SLC44A5: variants seen among roughly 807,000 people sequenced by gnomAD.
SLC44A5 encodes solute carrier family 44 member 5, also known as choline transporter-like protein 5.
SLC44A5 carries 57 observed loss-of-function variants against 101.8 expected under a neutral mutation model. The observed-to-expected ratio is 0.56, with a 90% CI of 0.45 to 0.70. The LOEUF is 0.70. SLC44A5 is among the 30% of genes least tolerant of loss of function. The probability of loss-of-function intolerance (pLI) is 0.00; values close to 1 mark genes in which losing one functional copy is unlikely to be tolerated. For synonymous variants in SLC44A5, 281 were observed against 290.9 expected, an observed-to-expected ratio of 0.97 and a Z score of 0.35; for missense variants, 737 against 853.1, an observed-to-expected ratio of 0.86 and a Z score of 1.70.
At chr1:75,672,037 C>T in the SLC44A5 span, among the ~76,000 whole-genome samples, 1 of 146,790 alleles carries the variant, frequency 6.8e-6, no homozygotes, top group Non-Finnish European at 1.5e-5. Flanking sequence ...CAACACCAAA[C>T]TGACCAACTA....
the SLC44A5 span, among the ~76,000 whole-genome samples, chr1:75,671,941 A>T: frequency 1.3e-5 from 2 of 152,200 alleles, no homozygotes; most frequent in Admixed American, 1.3e-4. Flanking sequence ...ACTAACCATA[A>T]CCTTACATCA....
chr1:75,595,111 G>A (rs1674561217), intron 1 of SLC44A5, among the ~76,000 whole-genome samples: 1 of 151,958 alleles, frequency 6.6e-6, no homozygotes, highest in African/African-American at 2.4e-5. Flanking sequence ...AGGGAGGTAG[G>A]GAGGTAGAAA....
At chr1:75,493,835 C>T (rs1360647404) in intron 2 of SLC44A5, among the ~76,000 whole-genome samples, 2 of 152,114 alleles carry the variant, frequency 1.3e-5, no homozygotes, top group East Asian at 3.9e-4. Context: ...TGAGAAAAAT[C>T]CAGAAGCTTG....
intron 2 of SLC44A5, among the ~76,000 whole-genome samples, chr1:75,426,658 G>T (rs528392826): frequency 2.0e-5 from 3 of 152,352 alleles, no homozygotes; most frequent in Admixed American, 2.0e-4. Context: ...GAAGAAGTAA[G>T]AGTCTACCTC....
At chr1:75,332,928 T>C (rs1422585941) in intron 4 of SLC44A5, among the ~76,000 whole-genome samples, 1 of 152,212 alleles carries the variant, frequency 6.6e-6, no homozygotes, top group East Asian at 1.9e-4. Flanking sequence ...GTCTTCTAAA[T>C]GTATGCCGTT....
chr1:75,338,844 G>A (rs61798679), intron 4 of SLC44A5, among the ~76,000 whole-genome samples: 160 of 152,148 alleles, frequency 1.1e-3, no homozygotes, highest in Non-Finnish European at 2.1e-3. Context: ...TTCACATCAC[G>A]GTTCATTATG....
At chr1:75,578,535 T>G (rs762135790) in intron 1 of SLC44A5, among the ~76,000 whole-genome samples, 3 of 152,098 alleles carry the variant, frequency 2.0e-5, no homozygotes, top group Admixed American at 1.3e-4. Context: ...AAGCCCAGCA[T>G]AGAAAAACAA....
At chr1:75,706,819 T>G in the SLC44A5 span, among the ~76,000 whole-genome samples, 2 of 152,134 alleles carry the variant, frequency 1.3e-5, no homozygotes, top group African/African-American at 4.8e-5. Context: ...CCTGTTTCTT[T>G]TGCTTCCAAA....
intron 4 of SLC44A5, among the ~76,000 whole-genome samples, chr1:75,332,093 G>A (rs1657102369): frequency 6.6e-6 from 1 of 152,132 alleles, no homozygotes; most frequent in African/African-American, 2.4e-5. Context: ...GTGCCTAGAA[G>A]ACATGGGGCA....
the SLC44A5 span, among the ~76,000 whole-genome samples, chr1:75,665,666 T>C: frequency 3.9e-5 from 6 of 152,126 alleles, no homozygotes; most frequent in Non-Finnish European, 7.4e-5. Context: ...GGAAAACCTA[T>C]AGAATGGGAT....
chr1:75,318,325 G>A (rs898542540), intron 4 of SLC44A5, among the ~76,000 whole-genome samples: 1 of 151,430 alleles, frequency 6.6e-6, no homozygotes, highest in Non-Finnish European at 1.5e-5. Flanking sequence ...TACAGTGAGT[G>A]ATGATTGTGC....
chr1:75,265,338 G>C (rs1326176478), intron 6 of SLC44A5, among the ~76,000 whole-genome samples: 1 of 152,138 alleles, frequency 6.6e-6, no homozygotes, highest in African/African-American at 2.4e-5. Flanking sequence ...CAATATCCCT[G>C]ATAAACATAG....
intron 2 of SLC44A5, among the ~76,000 whole-genome samples, chr1:75,480,025 C>A (rs1667731802): frequency 6.6e-6 from 1 of 152,232 alleles, no homozygotes; most frequent in Non-Finnish European, 1.5e-5. Context: ...CAAACCGAAT[C>A]TGGCAGCACA....
intron 4 of SLC44A5, among the ~76,000 whole-genome samples, chr1:75,338,559 C>T (rs1168111167): frequency 2.6e-5 from 4 of 152,150 alleles, no homozygotes; most frequent in African/African-American, 9.7e-5. Context: ...GTAGCCACTA[C>T]ACTGAATGAG....
At chr1:75,399,492 T>G (rs2101422882) in intron 2 of SLC44A5, among the ~76,000 whole-genome samples, 1 of 152,282 alleles carries the variant, frequency 6.6e-6, no homozygotes, top group East Asian at 1.9e-4. Flanking sequence ...CAGAAGAGAC[T>G]TCAGGGACAT....
intron 1 of SLC44A5, among the ~76,000 whole-genome samples, chr1:75,607,015 T>C (rs1292250495): frequency 6.6e-6 from 1 of 152,026 alleles, no homozygotes; most frequent in African/African-American, 2.4e-5. Flanking sequence ...ACCACCAATG[T>C]TCTGATGAAT....
rs575446253 is a variant in SLC44A5, at chr1:75,441,760, A to T, written c.14-45139T>A. Among the ~76,000 whole-genome samples, 5 of 143,490 alleles carry T rather than the reference A, an allele frequency of 3.5e-5. No homozygotes were observed. The South Asian group carries it at 1.1e-3, about 32-fold the overall frequency. 94.1% of individuals were successfully genotyped at this position (143,490 alleles called of 152,430 possible). On this transcript the variant is annotated intron_variant, in intron 2 of 23. Coordinates refer to ENST00000370859, the MANE Select transcript of SLC44A5 (RefSeq NM_001130058.2). ...TGTTAAAAAATTCAAGTGTTTTTAA[A>T]TATTAGCCAGAAGAAAGTTAGATTA...
At chr1:75,386,941 A>C (rs187819657) in intron 3 of SLC44A5, among the ~76,000 whole-genome samples, 26 of 151,810 alleles carry the variant, frequency 1.7e-4, no homozygotes, top group South Asian at 4.2e-4. Flanking sequence ...ACAAACCTGA[A>C]AAAAACAAGC....
chr1:75,547,194 A>G (rs576617779), intron 1 of SLC44A5, among the ~76,000 whole-genome samples: 1 of 152,328 alleles, frequency 6.6e-6, no homozygotes, highest in Non-Finnish European at 1.5e-5. Flanking sequence ...TTCCAAGGAA[A>G]AAAATTCAAC....
Sources: gnomAD v4.1 joint callset for allele counts (sites outside exome capture counted in the v4.1 genomes callset) on GRCh38, gnomAD v4.1.1 for gene constraint, MANE v1.5 for transcripts, NCBI Gene and HGNC (gene_info 2026-07-23, HGNC 2026-07-21) for gene names.